SNTB1: variants seen among roughly 807,000 people sequenced by gnomAD.
SNTB1 encodes syntrophin beta 1.
SNTB1 carries 36 observed loss-of-function variants against 48.9 expected under a neutral mutation model. The ratio of observed to expected loss-of-function variants is 0.74; its 90% CI spans 0.56 to 0.97. SNTB1 has a LOEUF of 0.97. SNTB1 is among the 50% of genes least tolerant of loss of function. The pLI, the probability that SNTB1 is intolerant of heterozygous loss-of-function variation, is 0.00. For synonymous variants in SNTB1, 299 were observed against 294.6 expected (o/e 1.01, Z -0.15); for missense variants, 786 against 703.4 (o/e 1.12, Z -1.33).
chr8:120,541,381 C>T (rs962738529), intron 6 of SNTB1, among the ~76,000 whole-genome samples: 1 of 152,162 alleles, frequency 6.6e-6, no homozygotes, highest in Non-Finnish European at 1.5e-5. Flanking sequence ...CATCTGGCCC[C>T]TCCTGTCTCT....
chr8:120,693,897 G>T lies in SNTB1; in HGVS notation c.583C>A (p.Arg195=). 6.2e-7 allele frequency: 1 copy of T among 1,613,306 alleles called. No homozygotes were observed. The highest frequency in any genetic ancestry group is 1.1e-5 in the South Asian group (1 of 90,998). The change falls in exon 2 of 7, where the codon CGA becomes AGA. Residue 195 remains arginine, a synonymous_variant. Coordinates refer to ENST00000517992, the MANE Select transcript of SNTB1 (RefSeq NM_021021.4). The part of the protein sequence containing the change: ...KEVLLEVKYM[R]EATPYVKKGS... ...TTCTTCACATAGGGCGTGGCTTCTC[G>T]CATGTACTTCACTGCAAGGAAAAAG...
chr8:120,713,275 A>G (rs1031443119), intron 1 of SNTB1, among the ~76,000 whole-genome samples: 3 of 152,090 alleles, frequency 2.0e-5, no homozygotes, highest in African/African-American at 4.8e-5. Context: ...CAGACCTTAC[A>G]TGCATCTTTC....
chr8:120,552,928 G>A (rs1393555275), intron 4 of SNTB1, among the ~76,000 whole-genome samples: 1 of 151,938 alleles, frequency 6.6e-6, no homozygotes, highest in Non-Finnish European at 1.5e-5. Context: ...AGAATCATCA[G>A]GCATTAGATT....
At chr8:120,598,443 T>A (rs1440381229) in intron 3 of SNTB1, among the ~76,000 whole-genome samples, 1 of 152,258 alleles carries the variant, frequency 6.6e-6, no homozygotes, top group Non-Finnish European at 1.5e-5. Flanking sequence ...GTGTCATTTA[T>A]GGCTGAATCA....
chr8:120,684,159 G>A (rs781574416), intron 2 of SNTB1, among the ~76,000 whole-genome samples: 4 of 152,096 alleles, frequency 2.6e-5, no homozygotes, highest in Non-Finnish European at 4.4e-5. Flanking sequence ...GGCACCCTTG[G>A]GCTCTTTTAT....
intron 1 of SNTB1, among the ~76,000 whole-genome samples, chr8:120,736,466 G>A (rs1818947050): frequency 6.6e-6 from 1 of 152,208 alleles, no homozygotes; most frequent in Non-Finnish European, 1.5e-5. Context: ...GAATAACAAG[G>A]AGCCAATGAC....
At chr8:120,581,473 G>A (rs1180466976) in intron 3 of SNTB1, among the ~76,000 whole-genome samples, 2 of 151,922 alleles carry the variant, frequency 1.3e-5, no homozygotes, top group African/African-American at 4.8e-5. Context: ...GCATGGTGGT[G>A]CACACCTGTA....
At chr8:120,764,598 C>T (rs113106650) in intron 1 of SNTB1, among the ~76,000 whole-genome samples, 1 of 152,138 alleles carries the variant, frequency 6.6e-6, no homozygotes, top group Non-Finnish European at 1.5e-5. Flanking sequence ...TTAATAAATA[C>T]CCTTCAGTAA....
At chr8:120,754,795 A>T (rs1013868078) in intron 1 of SNTB1, among the ~76,000 whole-genome samples, 6 of 152,174 alleles carry the variant, frequency 3.9e-5, no homozygotes, top group African/African-American at 1.4e-4. Context: ...GGCTACAGAA[A>T]GGTACATGAG....
chr8:120,632,798 A>G (rs1223835006), intron 2 of SNTB1, 147 bp from the exon 3 acceptor site: 8 of 668,988 alleles, frequency 1.2e-5, no homozygotes, highest in African/African-American at 1.8e-5. Flanking sequence ...CCCGCCATCC[A>G]TTCGTTCACT....
At chr8:120,681,741 ACT>A (rs1166151154) in intron 2 of SNTB1, among the ~76,000 whole-genome samples, 2 of 152,098 alleles carry the variant, frequency 1.3e-5, no homozygotes, top group Admixed American at 1.3e-4. Context: ...CCAAGCAATA[ACT>A]CTATGTGAAT....
intron 4 of SNTB1, among the ~76,000 whole-genome samples, chr8:120,559,269 C>T (rs1815615279): frequency 6.6e-6 from 1 of 152,094 alleles, no homozygotes; most frequent in Admixed American, 6.6e-5. Context: ...TCGGTAGTAA[C>T]TTGGTTGTTT....
intron 1 of SNTB1, among the ~76,000 whole-genome samples, chr8:120,753,088 G>C (rs1819251343): frequency 6.6e-6 from 1 of 151,946 alleles, no homozygotes; most frequent in Admixed American, 6.6e-5. Context: ...GATGGCACAG[G>C]GTGTTTCAGA....
At chr8:120,589,977 C>T (rs1167320542) in intron 3 of SNTB1, among the ~76,000 whole-genome samples, 1 of 152,144 alleles carries the variant, frequency 6.6e-6, no homozygotes, top group Admixed American at 6.6e-5. Context: ...ATTCCATTTT[C>T]CAGCTCCATC....
chr8:120,622,832 T>TA (rs1204685490), intron 3 of SNTB1, among the ~76,000 whole-genome samples: 1 of 152,206 alleles, frequency 6.6e-6, no homozygotes, highest in Non-Finnish European at 1.5e-5. Context: ...TTCCCTTTGT[T>TA]AGGCCAGTGC....
intron 2 of SNTB1, among the ~76,000 whole-genome samples, chr8:120,663,781 C>T (rs547526267): frequency 1.3e-5 from 2 of 152,168 alleles, no homozygotes; most frequent in African/African-American, 4.8e-5. Context: ...AAGACAGAGA[C>T]GGGGCAAGGA....
At chr8:120,672,461 C>G (rs1817774818) in intron 2 of SNTB1, among the ~76,000 whole-genome samples, 1 of 152,180 alleles carries the variant, frequency 6.6e-6, no homozygotes, top group Non-Finnish European at 1.5e-5. Flanking sequence ...GAATGACTTT[C>G]AAGGTCAATC....
In SNTB1 at chr8:120,807,490, T is replaced by A. The variant is rs192071880; in HGVS notation, c.571+3783A>T. On this transcript the variant is annotated intron_variant, in intron 1 of 6. Coordinates refer to ENST00000517992, the MANE Select transcript of SNTB1 (RefSeq NM_021021.4). ...CTTGTGATGTGAAGATTCCTGATCT[T>A]AACTTTAATGAAAATTGTCTAAACA... Among the ~76,000 whole-genome samples the A allele has an allele frequency of 2.4e-3, 364 of 152,372 alleles. 2 individuals carry two copies. The highest frequency in any genetic ancestry group is 8.4e-3 in the African/African-American group (349 of 41,592).
intron 2 of SNTB1, among the ~76,000 whole-genome samples, chr8:120,644,448 T>G (rs970500303): frequency 5.9e-5 from 9 of 151,892 alleles, no homozygotes; most frequent in African/African-American, 2.2e-4. Flanking sequence ...TTACTGAGAA[T>G]GATGATTTCC....
Sources: gnomAD v4.1 joint callset for allele counts (sites outside exome capture counted in the v4.1 genomes callset) on GRCh38, gnomAD v4.1.1 for gene constraint, MANE v1.5 for transcripts, NCBI Gene and HGNC (gene_info 2026-07-23, HGNC 2026-07-21) for gene names.